The following PLCB1 variants were observed in gnomAD, a reference collection of about 807,000 sequenced individuals.
PLCB1 encodes 1-phosphatidylinositol 4,5-bisphosphate phosphodiesterase beta-1.
PLCB1 carries 46 observed loss-of-function variants against 161.8 expected under a neutral mutation model. That is an observed-to-expected ratio of 0.28 (90% CI 0.22 to 0.36). PLCB1 has a LOEUF of 0.36. Among genes scored for constraint, PLCB1 ranks in the 10% least tolerant of loss-of-function variants. PLCB1 has a pLI of 1.00. For synonymous variants in PLCB1, 517 were observed against 503.7 expected (o/e 1.03, Z -0.35); for missense variants, 1,016 against 1,472.5 (o/e 0.69, Z 5.07).
rs1403874428 is a variant in PLCB1 at position 8,457,704 on chromosome 20, A to ATG, written c.246+86259_246+86260dup. 8.5e-3 allele frequency among the ~76,000 whole-genome samples: 1,037 copies of ATG among 121,320 alleles called. 6 individuals are homozygous for ATG. Among genetic ancestry groups the ATG allele is most frequent in the African/African-American group, 0.028 (828 of 29,444 alleles). The allele number at this position is 121,320 out of a possible 152,430, so 79.6% of individuals were successfully genotyped here. ...AAGTCATCTCCTACTTATACCCCTA[A>ATG]TGTGTGCGCGCACACACACACACAC... On this transcript the variant is annotated intron_variant, in intron 3 of 31. Transcript: ENST00000338037.
At chr20:8,733,173 C>A in intron 18 of PLCB1, 65 bp from the exon 19 acceptor site, 1 of 1,520,698 alleles carries the variant, frequency 6.6e-7, no homozygotes, top group Non-Finnish European at 9.1e-7. Context: ...CTTTACTTTA[C>A]AATCTTACTT....
intron 2 of PLCB1, chr20:8,249,470 T>C (rs771756036): frequency 1.3e-5 from 2 of 151,952 alleles, no homozygotes; most frequent in Non-Finnish European, 2.9e-5. Context: ...TGTCCATCAT[T>C]GGAAGTAATT....
chr20:8,400,250 A>G (rs888912337), intron 3 of PLCB1, among the ~76,000 whole-genome samples: 2 of 152,112 alleles, frequency 1.3e-5, no homozygotes, highest in Non-Finnish European at 2.9e-5. Context: ...TTTAAGTTGA[A>G]TAAGTTTTCC....
intron 31 of PLCB1, among the ~76,000 whole-genome samples, chr20:8,815,712 C>T (rs1985054385): frequency 6.6e-6 from 1 of 152,140 alleles, no homozygotes; most frequent in African/African-American, 2.4e-5. Flanking sequence ...TAGTGAGTTA[C>T]AGTACAACAA....
At chr20:8,664,872 C>T (rs1268567308) in intron 9 of PLCB1, among the ~76,000 whole-genome samples, 1 of 152,140 alleles carries the variant, frequency 6.6e-6, no homozygotes, top group Non-Finnish European at 1.5e-5. Flanking sequence ...ATCCTTTTTA[C>T]TCATGGTTCC....
intron 3 of PLCB1, among the ~76,000 whole-genome samples, chr20:8,529,959 T>G (rs1477394886): frequency 6.6e-6 from 1 of 152,130 alleles, no homozygotes; most frequent in Non-Finnish European, 1.5e-5. Flanking sequence ...TTCCAGATAG[T>G]TCTCATTTAT....
intron 2 of PLCB1, among the ~76,000 whole-genome samples, chr20:8,265,367 C>A (rs577173036): frequency 6.6e-6 from 1 of 152,100 alleles, no homozygotes; most frequent in Non-Finnish European, 1.5e-5. Context: ...ATTCCACAAG[C>A]GAATGGCGAA....
At chr20:8,788,563 T>G in intron 28 of PLCB1, 38 bp downstream of exon 28, 2 of 1,598,958 alleles carry the variant, frequency 1.3e-6, no homozygotes, top group Non-Finnish European at 1.7e-6. Flanking sequence ...CATGTGCATC[T>G]GAATTTATTC....
intron 3 of PLCB1, among the ~76,000 whole-genome samples, chr20:8,449,128 T>C (rs1980962617): frequency 6.6e-6 from 1 of 152,202 alleles, no homozygotes; most frequent in African/African-American, 2.4e-5. Flanking sequence ...AAAATATATG[T>C]TTAGAGATAA....
chr20:8,636,797 G>T (rs6140661), intron 4 of PLCB1, among the ~76,000 whole-genome samples: 4,279 of 152,250 alleles, frequency 0.028, 154 homozygotes, highest in East Asian at 0.16. Context: ...ACATAGAAAT[G>T]ACTGTGATTT....
At chr20:8,721,095 C>A (rs1979605965) in intron 14 of PLCB1, among the ~76,000 whole-genome samples, 1 of 152,106 alleles carries the variant, frequency 6.6e-6, no homozygotes, top group African/African-American at 2.4e-5. Flanking sequence ...AATCTTTTTT[C>A]CCCTGGAGAT....
At chr20:8,462,831 G>T (rs185499747) in intron 3 of PLCB1, among the ~76,000 whole-genome samples, 11 of 151,616 alleles carry the variant, frequency 7.3e-5, no homozygotes, top group African/African-American at 2.7e-4. Context: ...AAAACACTTC[G>T]TTTTCCTGAT....
intron 2 of PLCB1, among the ~76,000 whole-genome samples, chr20:8,234,889 T>C (rs1980240964): frequency 6.6e-6 from 1 of 152,144 alleles, no homozygotes; most frequent in African/African-American, 2.4e-5. Flanking sequence ...GCTTACTGGC[T>C]TAACCCCTTT....
intron 2 of PLCB1, among the ~76,000 whole-genome samples, chr20:8,188,630 C>G (rs1317285420): frequency 2.6e-5 from 4 of 152,194 alleles, no homozygotes; most frequent in African/African-American, 9.6e-5. Context: ...TTATAAACTT[C>G]CACAGTTCTT....
chr20:8,234,879 G>A (rs1217616149), intron 2 of PLCB1, among the ~76,000 whole-genome samples: 1 of 152,060 alleles, frequency 6.6e-6, no homozygotes, highest in Non-Finnish European at 1.5e-5. Flanking sequence ...GGAATATAAT[G>A]CTTACTGGCT....
chr20:8,872,069 C>T (rs147818742), intron 31 of PLCB1, among the ~76,000 whole-genome samples: 2 of 152,290 alleles, frequency 1.3e-5, no homozygotes, highest in African/African-American at 4.8e-5. Context: ...AGTGAATTGT[C>T]TACTTTGTGT....
intron 2 of PLCB1, among the ~76,000 whole-genome samples, chr20:8,346,945 T>TA (rs1986017511): frequency 1.3e-5 from 2 of 151,856 alleles, no homozygotes; most frequent in African/African-American, 4.8e-5. Context: ...GCTAGACAGA[T>TA]AGAAGGAGGA....
intron 3 of PLCB1, among the ~76,000 whole-genome samples, chr20:8,428,724 A>G (rs1979900743): frequency 6.6e-6 from 1 of 152,148 alleles, no homozygotes; most frequent in Admixed American, 6.5e-5. Context: ...CCTGGTTCAA[A>G]TGAGCTCACA....
At chr20:8,393,298 T>C (rs58258773) in intron 3 of PLCB1, among the ~76,000 whole-genome samples, 3,435 of 152,248 alleles carry the variant, frequency 0.023, 99 homozygotes, top group African/African-American at 0.067. Context: ...TATTTTTTTT[T>C]CCTCAGGTAT....
Sources: allele counts gnomAD v4.1 joint callset (sites outside exome capture counted in the v4.1 genomes callset), GRCh38; gene constraint gnomAD v4.1.1; transcripts MANE v1.5; gene names NCBI Gene and HGNC (gene_info 2026-07-23, HGNC 2026-07-21).